Variants in DHRS12 observed in about 807,000 individuals in gnomAD.
DHRS12 encodes the protein dehydrogenase/reductase SDR family member 12.
In DHRS12, 29 loss-of-function variants were observed where a neutral mutation model predicts 32.1. That is an observed-to-expected ratio of 0.90 (90% CI 0.67 to 1.23). The LOEUF (loss-of-function observed/expected upper bound fraction) is 1.23. Among genes scored for constraint, DHRS12 ranks in the 50% most tolerant of loss-of-function variants. DHRS12 has a pLI of 0.00. For synonymous variants in DHRS12, 150 were observed against 135.9 expected (o/e 1.10, Z -0.72); for missense variants, 330 against 337.2 (o/e 0.98, Z 0.17).
At chr13:51,783,190 A>G (rs536888309) in intron 4 of DHRS12, among the ~76,000 whole-genome samples, 5 of 152,270 alleles carry the variant, frequency 3.3e-5, no homozygotes, top group East Asian at 1.9e-4. Flanking sequence ...GCTCCCCGGT[A>G]CAGTTTAAAC....
At chr13:51,798,222 GT>G (rs1337858034) in intron 2 of DHRS12, among the ~76,000 whole-genome samples, 1 of 152,170 alleles carries the variant, frequency 6.6e-6, no homozygotes, top group Non-Finnish European at 1.5e-5. Context: ...ACCCAGATGT[GT>G]TAAACCTGGC....
At chr13:51,787,797 T>TA (rs10657566) in intron 4 of DHRS12, among the ~76,000 whole-genome samples, 10 of 125,988 alleles carry the variant, frequency 7.9e-5, no homozygotes, top group Non-Finnish European at 1.1e-4. Flanking sequence ...AATATATTAA[T>TA]ATATATTTAT....
At chr13:51,777,287 TC>T in intron 4 of DHRS12, 166 bp from the exon 5 acceptor site, 1 of 661,302 alleles carries the variant, frequency 1.5e-6, no homozygotes, top group Non-Finnish European at 2.6e-6. Context: ...AGCCAAATGT[TC>T]CTTTTCCCAG....
chr13:51,772,518 G>T, intron 6 of DHRS12: 1 of 634,518 alleles, frequency 1.6e-6, no homozygotes. Flanking sequence ...TTTGGATTTT[G>T]GAGCTGTAAT....
Position 51,768,250 on chromosome 13 carries a change from G to A in DHRS12, c.744C>T (p.Ser248=). 1 of 1,536,116 alleles carries A rather than the reference G, an allele frequency of 6.5e-7. No individual in the cohort carries two copies. The highest frequency in any genetic ancestry group is 8.7e-7 in the Non-Finnish European group (1 of 1,146,910). ...STHLPLATAS[S]SPAEEEKLIE... ...TGAGTTTCTCCTCTTCGGCCGGTGA[G>A]GAGGACGCTGTAGCGAGAGGCAAGT... is the stretch of plus-strand genomic sequence containing the variant. Residue 248 remains serine (S), a synonymous_variant, in exon 9 of 9, where the codon TCC becomes TCT. Coordinates refer to ENST00000444610, the MANE Select transcript of DHRS12 (RefSeq NM_001377533.1).
At chr13:51,770,802 T>TA in intron 7 of DHRS12, 1 of 1,025,568 alleles carries the variant, frequency 9.8e-7, no homozygotes, top group South Asian at 3.9e-5. Flanking sequence ...TATCTTCATT[T>TA]AATGATATAG....
chr13:51,803,684 G>A (rs1955858327), intron 1 of DHRS12: 1 of 180,520 alleles, frequency 5.5e-6, no homozygotes, highest in African/African-American at 2.4e-5. Flanking sequence ...AGCCCTATCT[G>A]ACGCCGCCAG....
At chr13:51,787,989 C>T (rs901876647) in intron 4 of DHRS12, among the ~76,000 whole-genome samples, 4 of 145,670 alleles carry the variant, frequency 2.7e-5, no homozygotes, top group Admixed American at 7.2e-5. Flanking sequence ...GTGGCCCGGC[C>T]GCAGCGAACA....
In DHRS12 at chr13:51,781,599, G is replaced by A. The variant is rs573436954; in HGVS notation, c.302-4478C>T. On this transcript the variant is annotated intron_variant, in intron 4 of 8. Transcript: ENST00000444610. Reference sequence around the variant, plus strand: ...GCATGAACTGTGAAGGGACATTTCAGCTAAGACCTGGAGAAGAGGAGGGAA... The same window carrying A: ...GCATGAACTGTGAAGGGACATTTCAACTAAGACCTGGAGAAGAGGAGGGAA... Among the ~76,000 whole-genome samples, 9 of 152,266 alleles carry A rather than the reference G, an allele frequency of 5.9e-5. No homozygotes were observed. The South Asian group carries it at 1.9e-3, about 32-fold the overall frequency.
the DHRS12 span, among the ~76,000 whole-genome samples, chr13:51,755,674 G>C: frequency 1.3e-5 from 2 of 152,124 alleles, no homozygotes; most frequent in African/African-American, 4.8e-5. Flanking sequence ...TAAGCAGTTA[G>C]GGATGTGATT....
chr13:51,770,814 GCA>G (rs543796083), intron 7 of DHRS12: 55 of 1,048,970 alleles, frequency 5.2e-5, no homozygotes, highest in Non-Finnish European at 6.1e-5. Context: ...ATGATATAGT[GCA>G]CACAGGGTTT....
At chr13:51,790,130 T>C (rs1168046074) in intron 3 of DHRS12, 38 bp from the exon 4 acceptor site, 4 of 1,537,736 alleles carry the variant, frequency 2.6e-6, no homozygotes, top group Non-Finnish European at 2.6e-6. Context: ...TAAAGAAAAA[T>C]AGGGCCAAAA....
At chr13:51,765,001 C>T (rs1461181663), downstream of DHRS12, 1 of 152,256 alleles carries the variant, frequency 6.6e-6, no homozygotes, top group African/African-American at 2.4e-5. Flanking sequence ...CCCTCCACTT[C>T]CTGCTCTTGC....
the DHRS12 span, among the ~76,000 whole-genome samples, chr13:51,757,700 C>T: frequency 6.6e-6 from 1 of 151,544 alleles, no homozygotes; most frequent in East Asian, 1.9e-4. Flanking sequence ...TTGCTTGTTA[C>T]AGCTTTAGAA....
intron 7 of DHRS12, among the ~76,000 whole-genome samples, chr13:51,770,424 T>TG (rs1362007038): frequency 6.6e-6 from 1 of 152,182 alleles, no homozygotes; most frequent in Admixed American, 6.5e-5. Flanking sequence ...TTTAAACATC[T>TG]GAGCTGATGC....
chr13:51,771,121 C>G, intron 7 of DHRS12: 1 of 1,490,950 alleles, frequency 6.7e-7, no homozygotes, highest in Non-Finnish European at 8.9e-7. Flanking sequence ...TGATAATAGA[C>G]AGTAGTGGCC....
rs1415531925 is a variant in DHRS12 at position 51,768,224 on chromosome 13, A to G, written c.770T>C (p.Ile257Thr). 4.6e-6 allele frequency: 7 copies of G among 1,535,990 alleles called. No homozygotes were observed. The highest frequency in any genetic ancestry group is 3.5e-6 in the Non-Finnish European group (4 of 1,146,920). The change falls in exon 9 of 9, where the codon ATT becomes ACT. Residue 257 changes from isoleucine (I) to threonine (T), a missense_variant. Physicochemically the swap from Ile to Thr is moderately conservative, Grantham distance 89. Transcript: ENST00000444610. ...CTGAGCCAGCTGTTCCAGGATTTCA[A>G]TGAGTTTCTCCTCTTCGGCCGGTGA... ...SSSPAEEEKLIEILEQLAQTF... is the reference protein window; with the variant it reads ...SSSPAEEEKLTEILEQLAQTF...
intron 1 of DHRS12, 120 bp downstream of exon 1, chr13:51,803,934 C>G: frequency 1.0e-6 from 1 of 973,554 alleles, no homozygotes; most frequent in African/African-American, 1.7e-5. Context: ...TCTGGACACG[C>G]TTAGTCGGCC....
intron 1 of DHRS12, 156 bp downstream of exon 1, chr13:51,803,898 C>T: frequency 1.6e-6 from 1 of 609,990 alleles, no homozygotes; most frequent in Non-Finnish European, 2.4e-6. Context: ...AGCCGTGGGT[C>T]GCTAGACGGC....
Sources: allele counts gnomAD v4.1 joint callset (sites outside exome capture counted in the v4.1 genomes callset), GRCh38; gene constraint gnomAD v4.1.1; transcripts MANE v1.5; gene names NCBI Gene and HGNC (gene_info 2026-07-23, HGNC 2026-07-21).